PCDHGB5: variants seen among roughly 807,000 people sequenced by gnomAD.
PCDHGB5 encodes protocadherin gamma-B5.
A neutral mutation model predicts 62.9 loss-of-function variants in PCDHGB5; 48 were observed. The ratio of observed to expected loss-of-function variants is 0.76; its 90% CI spans 0.61 to 0.97. The LOEUF (loss-of-function observed/expected upper bound fraction) is 0.97, where lower values mean the gene tolerates loss of function less well. PCDHGB5 is among the 50% of genes least tolerant of loss of function. PCDHGB5 has a pLI of 0.00. For missense variants in PCDHGB5, 1,118 were observed against 1,198.6 expected, an observed-to-expected ratio of 0.93 and a Z score of 0.99; for synonymous variants, 474 against 511.2, an observed-to-expected ratio of 0.93 and a Z score of 0.98.
In PCDHGB5 at chr5:141,486,334, C is replaced by T; in HGVS notation, c.2398-8473C>T. 1.2e-6 allele frequency: 2 copies of T among 1,614,098 alleles called. No individual in the cohort carries two copies. ...CAGGGTCAAACGGAGATGTGAGCCT[C>T]CGCATTCCTGACCACTTGCCATTTG... On this transcript the variant is annotated intron_variant, in intron 1 of 3. Coordinates refer to ENST00000617380, the MANE Select transcript of PCDHGB5 (RefSeq NM_018925.3). This position sits in a 1 kb window ranked among gnomAD's most constrained non-coding sequence, Gnocchi z 5.0.
chr5:141,400,198 G>A lies in PCDHGB5; in HGVS notation c.2071G>A (p.Ala691Thr), dbSNP rs559051247. Residue 691 changes from alanine (A) to threonine (T), a missense_variant, in exon 1 of 4, where the codon GCC becomes ACC. Physicochemically the swap from Ala to Thr is moderately conservative, Grantham distance 58 (BLOSUM62 0). This residue lies in a region of PCDHGB5 where 1,034 missense variants were observed against 1,029.1 expected (regional missense o/e 1.00). Transcript: ENST00000617380. ...TGAGCTGCAGTTTTACCTAGTGGTG[G>A]CCTTGGCCTTGATCTCAGTGCTCTT... ...QAELQFYLVV[A>T]LALISVLFLL... The A allele has an allele frequency of 2.5e-6, 4 of 1,613,926 alleles. No homozygotes were observed. The highest frequency in any genetic ancestry group is 2.5e-6 in the Non-Finnish European group (3 of 1,179,914).
In PCDHGB5 at chr5:141,476,650, A is replaced by G. The variant is rs2099395609; in HGVS notation, c.2398-18157A>G. 6.2e-7 allele frequency: 1 copy of G among 1,614,126 alleles called. No individual in the cohort carries two copies. The highest frequency in any genetic ancestry group is 1.3e-5 in the African/African-American group (1 of 74,952). On this transcript the variant is annotated intron_variant, in intron 1 of 3. Transcript: ENST00000617380. This position sits in a 1 kb window ranked among gnomAD's most constrained non-coding sequence, Gnocchi z 7.6. Reference sequence around the variant, plus strand: ...AAACCTATGAGCTGAGCCGAAATGAATACTTTGCGCTTCGCGTGCAGACGC... The same window carrying G: ...AAACCTATGAGCTGAGCCGAAATGAGTACTTTGCGCTTCGCGTGCAGACGC...
intron 1 of PCDHGB5, among the ~76,000 whole-genome samples, chr5:141,450,750 G>C (rs778218781): frequency 1.1e-4 from 16 of 152,002 alleles, no homozygotes; most frequent in Admixed American, 2.0e-4. Context: ...GCCTCCCAAA[G>C]TGCCGGGATT....
At chr5:141,402,946 G>A (rs1012771364) in intron 1 of PCDHGB5, 1 of 1,592,686 alleles carries the variant, frequency 6.3e-7, no homozygotes, top group African/African-American at 1.4e-5. Flanking sequence ...TCCAAAGCGA[G>A]GCAGCAATGG....
chr5:141,441,797 G>A, intron 1 of PCDHGB5: 2 of 386,536 alleles, frequency 5.2e-6, no homozygotes, highest in Non-Finnish European at 1.0e-5. Context: ...ACAACGCACC[G>A]CGGGTGCTGT....
rs779750859 is a variant in PCDHGB5, at chr5:141,476,273, A to G, written c.2398-18534A>G. On this transcript the variant is annotated intron_variant, in intron 1 of 3. Transcript: ENST00000617380. The surrounding 1 kb of genome is among the most constrained non-coding windows in gnomAD (Gnocchi z 7.6). Reference sequence around the variant, plus strand: ...TTTCGCTGTGGGCAACGTGGTCGCGAACCTTGGTTTGGATCTCGGTAGCCT... The same window carrying G: ...TTTCGCTGTGGGCAACGTGGTCGCGGACCTTGGTTTGGATCTCGGTAGCCT... 6.2e-7 allele frequency: 1 copy of G among 1,613,964 alleles called. No individual in the cohort carries two copies. The highest frequency in any genetic ancestry group is 1.1e-5 in the South Asian group (1 of 91,064).
chr5:141,422,478 G>C, intron 1 of PCDHGB5: 1 of 1,613,914 alleles, frequency 6.2e-7, no homozygotes, highest in Non-Finnish European at 8.5e-7. Flanking sequence ...AGTTGGTCCA[G>C]AGCTACAATA....
chr5:141,420,179 T>C (rs1420076172), intron 1 of PCDHGB5: 16 of 1,614,054 alleles, frequency 9.9e-6, no homozygotes, highest in Non-Finnish European at 1.2e-5. Flanking sequence ...TGTTGATCAT[T>C]GTCCAGCCAC....
At chr5:141,472,046 A>T (rs945911971) in intron 1 of PCDHGB5, among the ~76,000 whole-genome samples, 4 of 152,210 alleles carry the variant, frequency 2.6e-5, no homozygotes, top group Non-Finnish European at 4.4e-5. Context: ...AAAAGATTTT[A>T]AAAATGATTG....
In PCDHGB5 at chr5:141,400,341, C is replaced by T; in HGVS notation, c.2214C>T (p.Asn738=). The change falls in exon 1 of 4, where the codon AAC becomes AAT. Residue 738 remains asparagine (N), a synonymous_variant. Transcript: ENST00000617380. ...AGTCTGGACCTGTGGTTCCCCCCAACTACAGTCAGGGGACTTTGCCTTATT... is the reference window on the plus strand; with the variant it reads ...AGTCTGGACCTGTGGTTCCCCCCAATTACAGTCAGGGGACTTTGCCTTATT... The part of the protein sequence containing the change: ...CVKSGPVVPP[N]YSQGTLPYSY... 7 of 1,614,070 alleles carry T rather than the reference C, an allele frequency of 4.3e-6. No individual in the cohort carries two copies. Among genetic ancestry groups the T allele is most frequent in the Non-Finnish European group, 5.9e-6 (7 of 1,179,900 alleles).
chr5:141,477,901 C>T lies in PCDHGB5; in HGVS notation c.2398-16906C>T, dbSNP rs2099423750. ...GCCACCTAGTGTCACGGGTGGTAGG[C>T]TGGGACGCGGATGCAGGGCACAATG... On this transcript the variant is annotated intron_variant, in intron 1 of 3. Transcript: ENST00000617380. The surrounding 1 kb of genome is among the most constrained non-coding windows in gnomAD (Gnocchi z 4.9). The T allele has an allele frequency of 1.9e-6, 3 of 1,614,188 alleles. No homozygotes were observed. The highest frequency in any genetic ancestry group is 2.5e-6 in the Non-Finnish European group (3 of 1,180,042).
chr5:141,419,350 G>T lies in PCDHGB5; in HGVS notation c.2397+18826G>T, dbSNP rs202038869. 1.1e-4 allele frequency: 173 copies of T among 1,613,730 alleles called. 2 individuals are homozygous for T. The highest frequency in any genetic ancestry group is 2.3e-4 in the Admixed American group (14 of 60,012). ...ACTCTCTCATTGCCAGCGACCTGGA[G>T]TCACGAACGCTGTCGTCCTACGTGT... On this transcript the variant is annotated intron_variant, in intron 1 of 3. Transcript: ENST00000617380.
At chr5:141,507,178 G>A (rs548016031) in intron 3 of PCDHGB5, 4 of 152,350 alleles carry the variant, frequency 2.6e-5, no homozygotes, top group East Asian at 3.9e-4. Flanking sequence ...CCTCTTCCTC[G>A]AGCTCTGCTT....
chr5:141,451,579 A>G (rs1222576609), intron 1 of PCDHGB5, among the ~76,000 whole-genome samples: 1 of 152,084 alleles, frequency 6.6e-6, no homozygotes, highest in Non-Finnish European at 1.5e-5. Flanking sequence ...TTATAAACCT[A>G]ATTTTGAAAG....
At chr5:141,441,791 C>T in intron 1 of PCDHGB5, 1 of 390,714 alleles carries the variant, frequency 2.6e-6, no homozygotes, top group Non-Finnish European at 5.1e-6. Flanking sequence ...TGAATGACAA[C>T]GCACCGCGGG....
chr5:141,430,657 A>G (rs2097300740), intron 1 of PCDHGB5: 1 of 1,093,240 alleles, frequency 9.1e-7, no homozygotes, highest in African/African-American at 1.6e-5. Flanking sequence ...GAAACAACGG[A>G]GGAGCTCTGA....
intron 1 of PCDHGB5, chr5:141,420,214 C>T: frequency 6.2e-7 from 1 of 1,611,064 alleles, no homozygotes; most frequent in Non-Finnish European, 8.5e-7. Context: ...ACAAAGATAG[C>T]ATGCTACTGG....
At chr5:141,428,197 G>C in intron 1 of PCDHGB5, 3 of 1,385,972 alleles carry the variant, frequency 2.2e-6, no homozygotes, top group Non-Finnish European at 3.0e-6. Flanking sequence ...CGCTCTCTGC[G>C]CCGCTACGCT....
chr5:141,409,445 A>G, intron 1 of PCDHGB5: 1 of 1,613,988 alleles, frequency 6.2e-7, no homozygotes, highest in Non-Finnish European at 8.5e-7. Context: ...CCGAGAGCAG[A>G]CACCAGAATA....
Sources: gnomAD v4.1 joint callset for allele counts (sites outside exome capture counted in the v4.1 genomes callset) on GRCh38, gnomAD v4.1.1 for gene constraint, gnomAD v4.1.1 regional missense constraint, Gnocchi (gnomAD v3.1) non-coding constraint, MANE v1.5 for transcripts, NCBI Gene and HGNC (gene_info 2026-07-23, HGNC 2026-07-21) for gene names.